Variants in KANK1 observed in about 807,000 individuals in gnomAD.
KANK1 encodes KN motif and ankyrin repeat domains 1.
Under a neutral mutation model 106.2 loss-of-function variants are expected in KANK1, and 109 were observed. The ratio of observed to expected loss-of-function variants is 1.03; its 90% CI spans 0.88 to 1.20. The LOEUF is 1.20. KANK1 is among the 50% of genes most tolerant of loss of function. The pLI, the probability that KANK1 is intolerant of heterozygous loss-of-function variation, is 0.00. For missense variants in KANK1, 2,399 were observed against 1,710.7 expected (o/e 1.40, Z -7.10); for synonymous variants, 873 against 652.2 (o/e 1.34, Z -5.16).
intron 1 of KANK1, among the ~76,000 whole-genome samples, chr9:528,006 C>T (rs142644792): frequency 0.04 from 6,089 of 151,828 alleles, 128 homozygotes; most frequent in Non-Finnish European, 0.053. Flanking sequence ...TGGCGGGCGC[C>T]TGTATAGTCC....
At position 612,117 on chromosome 9, in the gene KANK1, G is replaced by C. The variant is rs547145729; in HGVS notation, c.-83-64773G>C. Among the ~76,000 whole-genome samples, 8 of 152,266 alleles carry C rather than the reference G, an allele frequency of 5.3e-5. No individual in the cohort carries two copies. The South Asian group carries it at 1.0e-3, about 20-fold the overall frequency. On this transcript the variant is annotated intron_variant, in intron 1 of 11. Transcript: ENST00000382297. The stretch of plus-strand genomic sequence containing the variant: ...ATAATGAACACACATATTACCCATA[G>C]TACCTCCCACACAAAGCCACCTATG...
intron 1 of KANK1, among the ~76,000 whole-genome samples, chr9:584,959 G>T (rs1314921004): frequency 3.3e-5 from 5 of 152,160 alleles, no homozygotes; most frequent in African/African-American, 9.7e-5. Flanking sequence ...TCAGCATCCT[G>T]TATCTGCCAT....
intron 1 of KANK1, among the ~76,000 whole-genome samples, chr9:519,066 G>T (rs1297275765): frequency 3.3e-5 from 5 of 151,392 alleles, no homozygotes; most frequent in African/African-American, 1.2e-4. Context: ...AATTTTGTAT[G>T]TTTAATAGAA....
chr9:525,679 T>C lies in KANK1; in HGVS notation c.-84+20925T>C, dbSNP rs143719624. ...CAAAAAGCCGTAGAATTTCATATTTTTGAGCTGGCCAGATTTGTCAATGGC... is the reference window on the plus strand; with the variant it reads ...CAAAAAGCCGTAGAATTTCATATTTCTGAGCTGGCCAGATTTGTCAATGGC... On this transcript the variant is annotated intron_variant, in intron 1 of 11. Coordinates refer to ENST00000382297, the MANE Select transcript of KANK1 (RefSeq NM_015158.5). Among the ~76,000 whole-genome samples, 1,354 of 151,836 alleles carry C rather than the reference T, an allele frequency of 8.9e-3. 12 individuals carry two copies. The highest frequency in any genetic ancestry group is 0.015 in the Non-Finnish European group (1,009 of 68,020).
chr9:608,981 C>T (rs532160077), intron 1 of KANK1, among the ~76,000 whole-genome samples: 5 of 152,248 alleles, frequency 3.3e-5, no homozygotes, highest in South Asian at 2.1e-4. Flanking sequence ...TGTTAGCTTT[C>T]GGGGTCACTG....
intron 10 of KANK1, among the ~76,000 whole-genome samples, chr9:743,701 A>G (rs1173342341): frequency 6.6e-6 from 1 of 151,942 alleles, no homozygotes; most frequent in Admixed American, 6.6e-5. Flanking sequence ...TCCCATCTCT[A>G]CAAAAAAAAA....
rs573408914 is a variant in KANK1 at position 710,937 on chromosome 9, C to T, written c.171C>T (p.Thr57=). Residue 57 remains threonine (T), a synonymous_variant, in exon 3 of 12, where the codon ACC becomes ACT. Transcript: ENST00000382297. ...KYVDDIQKGN[T]IKRLNIQKRR... is the part of the protein sequence containing the mutation. Reference sequence around the variant, plus strand: ...TGGATGACATACAGAAGGGAAATACCATCAAAAGACTGAACATCCAGAAGA... The same window carrying T: ...TGGATGACATACAGAAGGGAAATACTATCAAAAGACTGAACATCCAGAAGA... The T allele has an allele frequency of 3.1e-6, 5 of 1,613,952 alleles. No individual in the cohort carries two copies. The highest frequency in any genetic ancestry group is 4.2e-6 in the Non-Finnish European group (5 of 1,180,004).
intron 1 of KANK1, among the ~76,000 whole-genome samples, chr9:510,647 G>A (rs2132810379): frequency 6.6e-6 from 1 of 152,354 alleles, no homozygotes; most frequent in South Asian, 2.1e-4. Context: ...GGACAGTGGG[G>A]TTGGTGATGC....
intron 3 of KANK1, among the ~76,000 whole-genome samples, chr9:498,301 G>A (rs1420515591): frequency 3.3e-5 from 5 of 152,186 alleles, no homozygotes; most frequent in Non-Finnish European, 5.9e-5. Flanking sequence ...GGTGAAACTC[G>A]GAACCAGGGC....
intron 1 of KANK1, among the ~76,000 whole-genome samples, chr9:637,877 A>G (rs1294675261): frequency 6.6e-6 from 1 of 152,164 alleles, no homozygotes; most frequent in Non-Finnish European, 1.5e-5. Context: ...CATAAGTCCC[A>G]AAAGCAGCTT....
intron 1 of KANK1, among the ~76,000 whole-genome samples, chr9:582,854 T>A (rs1367708278): frequency 6.6e-6 from 1 of 152,248 alleles, no homozygotes; most frequent in Non-Finnish European, 1.5e-5. Flanking sequence ...AGATGTACAC[T>A]GTTACTATAG....
chr9:674,394 AAAAAAAGAG>A (rs1815942825), intron 1 of KANK1: 1 of 119,326 alleles, frequency 8.4e-6, no homozygotes, highest in Admixed American at 9.2e-5. Context: ...TTAAAAAAAA[AAAAAAAGAG>A]AGAGAGAAAA....
At chr9:639,599 G>C (rs1837929575) in intron 1 of KANK1, among the ~76,000 whole-genome samples, 1 of 152,116 alleles carries the variant, frequency 6.6e-6, no homozygotes, top group African/African-American at 2.4e-5. Context: ...TTACAGGCAC[G>C]AGCCACTGCG....
intron 3 of KANK1, among the ~76,000 whole-genome samples, chr9:717,758 A>C (rs918601665): frequency 6.6e-6 from 1 of 152,144 alleles, no homozygotes; most frequent in African/African-American, 2.4e-5. Flanking sequence ...TCTTTTTTTA[A>C]TTACTATTTT....
chr9:588,787 C>T (rs1190357910), intron 1 of KANK1, among the ~76,000 whole-genome samples: 1 of 152,072 alleles, frequency 6.6e-6, no homozygotes, highest in Non-Finnish European at 1.5e-5. Context: ...TGCTGTGCCT[C>T]AATTTCCCCG....
At chr9:573,332 C>T (rs1377652524) in intron 1 of KANK1, among the ~76,000 whole-genome samples, 1 of 152,104 alleles carries the variant, frequency 6.6e-6, no homozygotes, top group African/African-American at 2.4e-5. Flanking sequence ...TGCAGTGGCG[C>T]AATCTTGGCT....
intron 1 of KANK1, among the ~76,000 whole-genome samples, chr9:595,235 G>A (rs1825920466): frequency 6.6e-6 from 1 of 151,598 alleles, no homozygotes; most frequent in Admixed American, 6.6e-5. Context: ...GCAACATGGT[G>A]AGACCCTGTC....
chr9:626,020 A>C (rs1040972093), intron 1 of KANK1, among the ~76,000 whole-genome samples: 10 of 152,120 alleles, frequency 6.6e-5, no homozygotes, highest in Non-Finnish European at 1.3e-4. Context: ...TGTGCATTCT[A>C]CAGCTCGGTG....
chr9:648,823 G>C lies in KANK1; in HGVS notation c.-83-28067G>C, dbSNP rs139261231. 1.5e-3 allele frequency among the ~76,000 whole-genome samples: 235 copies of C among 152,248 alleles called. 1 individual carries two copies. The highest frequency in any genetic ancestry group is 5.3e-3 in the African/African-American group (220 of 41,538). ...TGCGGACATGTCAGTTGTCATGTTT[G>C]GTTTAAAATAGAAGCTGGGAGACTC... On this transcript the variant is annotated intron_variant, in intron 1 of 11. Coordinates refer to ENST00000382297, the MANE Select transcript of KANK1 (RefSeq NM_015158.5).
Sources: allele counts gnomAD v4.1 joint callset (sites outside exome capture counted in the v4.1 genomes callset), GRCh38; gene constraint gnomAD v4.1.1; transcripts MANE v1.5; gene names NCBI Gene and HGNC (gene_info 2026-07-23, HGNC 2026-07-21).